SHISA9: variants seen among roughly 807,000 people sequenced by gnomAD.
SHISA9 encodes the protein protein shisa-9.
SHISA9 carries 13 observed loss-of-function variants against 38.0 expected under a neutral mutation model. The observed-to-expected ratio is 0.34, with a 90% CI of 0.22 to 0.54. SHISA9 has a LOEUF of 0.54. Ranked by LOEUF, SHISA9 falls within the 20% of genes least tolerant of loss-of-function variation. SHISA9 has a pLI of 0.91. For synonymous variants in SHISA9, 275 were observed against 242.0 expected (o/e 1.14, Z -1.27); for missense variants, 538 against 575.8 (o/e 0.93, Z 0.67).
chr16:13,386,330 T>C, the SHISA9 span, among the ~76,000 whole-genome samples: 2 of 152,206 alleles, frequency 1.3e-5, no homozygotes, highest in African/African-American at 2.4e-5. Flanking sequence ...TCTGTAGTCA[T>C]AGGATCTCCT....
At chr16:13,077,790 ACAG>A (rs142999134) in intron 2 of SHISA9, among the ~76,000 whole-genome samples, 10,599 of 152,232 alleles carry the variant, frequency 0.07, 1,212 homozygotes, top group African/African-American at 0.24. Flanking sequence ...TTGGAGTGCA[ACAG>A]CTGCCACTTC....
intron 2 of SHISA9, among the ~76,000 whole-genome samples, chr16:13,019,623 T>A (rs2072798970): frequency 6.6e-6 from 1 of 152,092 alleles, no homozygotes; most frequent in African/African-American, 2.4e-5. Flanking sequence ...TTTTTTAAAC[T>A]TTTAAGTTCA....
chr16:12,919,832 C>G (rs1213453763), intron 2 of SHISA9, among the ~76,000 whole-genome samples: 1 of 152,190 alleles, frequency 6.6e-6, no homozygotes, highest in African/African-American at 2.4e-5. Flanking sequence ...GTCTGATAAT[C>G]AAAAGGGCCT....
intron 2 of SHISA9, among the ~76,000 whole-genome samples, chr16:13,058,051 C>T (rs72784449): frequency 3.3e-5 from 5 of 152,298 alleles, no homozygotes; most frequent in Non-Finnish European, 5.9e-5. Flanking sequence ...ATCAACAGTG[C>T]ACCTCAGAAA....
chr16:12,902,543 T>G lies in SHISA9; in HGVS notation c.479T>G (p.Val160Gly). ...TNLIVYIICG[V>G]VAVMVLVGIF... ...CTGATCGTCTACATCATCTGCGGGGTGGTGGCCGTCATGGTGCTCGTGGGC... is the reference window on the plus strand; with the variant it reads ...CTGATCGTCTACATCATCTGCGGGGGGGTGGCCGTCATGGTGCTCGTGGGC... Residue 160 changes from valine to glycine, a missense_variant, in exon 1 of 5, where the codon GTG becomes GGG. This residue lies in a region of SHISA9 where 88 missense variants were observed against 109.7 expected (regional missense o/e 0.80). Transcript: ENST00000558583. 1 of 1,551,008 alleles carries G rather than the reference T, an allele frequency of 6.4e-7. No homozygotes were observed. The highest frequency in any genetic ancestry group is 8.7e-7 in the Non-Finnish European group (1 of 1,146,926).
the SHISA9 span, among the ~76,000 whole-genome samples, chr16:13,462,938 A>G: frequency 6.6e-6 from 1 of 152,018 alleles, no homozygotes; most frequent in East Asian, 1.9e-4. Context: ...CTCCAGCCTG[A>G]GCGACAGAGG....
the SHISA9 span, among the ~76,000 whole-genome samples, chr16:13,546,068 A>T: frequency 0.14 from 21,734 of 152,172 alleles, 1,877 homozygotes; most frequent in East Asian, 0.35. Context: ...CACTAGGCTC[A>T]CTAATTCAGC....
chr16:13,114,120 C>T (rs542614315), intron 2 of SHISA9, among the ~76,000 whole-genome samples: 2 of 152,286 alleles, frequency 1.3e-5, no homozygotes, highest in South Asian at 4.1e-4. Flanking sequence ...GGCTCCCCCA[C>T]TGCCAGTTTT....
chr16:12,996,284 G>C (rs576270824), intron 2 of SHISA9, among the ~76,000 whole-genome samples: 1 of 152,052 alleles, frequency 6.6e-6, no homozygotes, highest in Admixed American at 6.5e-5. Flanking sequence ...CAGATTTTTG[G>C]CTTCTCTTGA....
At chr16:13,132,170 G>C (rs1231335381) in intron 2 of SHISA9, among the ~76,000 whole-genome samples, 5 of 152,286 alleles carry the variant, frequency 3.3e-5, no homozygotes, top group Admixed American at 6.5e-5. Context: ...GACAATCGAG[G>C]TGTGAATAGC....
the SHISA9 span, among the ~76,000 whole-genome samples, chr16:13,326,202 G>A: frequency 2.0e-5 from 3 of 151,956 alleles, no homozygotes; most frequent in Admixed American, 2.0e-4. Context: ...CCCACCCACC[G>A]TAGGGAAGAC....
chr16:13,514,252 C>A, the SHISA9 span, among the ~76,000 whole-genome samples: 1 of 151,504 alleles, frequency 6.6e-6, no homozygotes, highest in East Asian at 1.9e-4. Flanking sequence ...CTAGACCTCC[C>A]GAAGTGCTGG....
chr16:13,560,411 A>G, the SHISA9 span, among the ~76,000 whole-genome samples: 3 of 152,198 alleles, frequency 2.0e-5, no homozygotes, highest in Non-Finnish European at 4.4e-5. Flanking sequence ...AAGTATTGGT[A>G]TCAGCACCTG....
chr16:13,539,889 C>T, the SHISA9 span, among the ~76,000 whole-genome samples: 1 of 151,914 alleles, frequency 6.6e-6, no homozygotes, highest in African/African-American at 2.4e-5. Context: ...AAGATAATGG[C>T]CACCAGCTTC....
intron 2 of SHISA9, among the ~76,000 whole-genome samples, chr16:13,192,895 AAAG>A (rs1567242133): frequency 6.6e-6 from 1 of 151,740 alleles, no homozygotes; most frequent in African/African-American, 2.4e-5. Context: ...GAAGAAGAAG[AAAG>A]AAGGAGGAGG....
At chr16:13,527,423 T>G in the SHISA9 span, among the ~76,000 whole-genome samples, 1 of 152,220 alleles carries the variant, frequency 6.6e-6, no homozygotes, top group East Asian at 1.9e-4. Context: ...CTAATTAACT[T>G]CTTCACTGAG....
At chr16:12,928,052 G>C (rs1250299268) in intron 2 of SHISA9, among the ~76,000 whole-genome samples, 1 of 152,164 alleles carries the variant, frequency 6.6e-6, no homozygotes. Flanking sequence ...CAAAAGATAA[G>C]GGCATTTTAA....
At chr16:13,501,334 T>C in the SHISA9 span, among the ~76,000 whole-genome samples, 33 of 152,166 alleles carry the variant, frequency 2.2e-4, no homozygotes, top group African/African-American at 7.5e-4. Flanking sequence ...TGAACATATG[T>C]GTGAAAACAG....
At chr16:13,494,427 T>TTTC in the SHISA9 span, among the ~76,000 whole-genome samples, 43,266 of 151,990 alleles carry the variant, frequency 0.28, 6,728 homozygotes, top group East Asian at 0.37. Context: ...GCCTAAATGT[T>TTTC]TTATCTTTAA....
Sources: allele counts gnomAD v4.1 joint callset (sites outside exome capture counted in the v4.1 genomes callset), GRCh38; gene constraint gnomAD v4.1.1; regional missense constraint gnomAD v4.1.1; transcripts MANE v1.5; gene names NCBI Gene and HGNC (gene_info 2026-07-23, HGNC 2026-07-21).